ANKRD26: variants seen among roughly 807,000 people sequenced by gnomAD.
ANKRD26 encodes ankyrin repeat domain-containing protein 26.
Under a neutral mutation model 208.7 loss-of-function variants are expected in ANKRD26, and 141 were observed. The observed-to-expected ratio is 0.68, with a 90% confidence interval of 0.59 to 0.78. The LOEUF (loss-of-function observed/expected upper bound fraction) is 0.78. Ranked by LOEUF, ANKRD26 falls within the 30% of genes least tolerant of loss-of-function variation. The pLI is 0.00. For synonymous variants in ANKRD26, 636 were observed against 660.4 expected, an observed-to-expected ratio of 0.96 and a Z score of 0.57; for missense variants, 1,889 against 1,938.7, an observed-to-expected ratio of 0.97 and a Z score of 0.48.
At chr10:27,032,680 T>C (rs2053911168) in intron 25 of ANKRD26, among the ~76,000 whole-genome samples, 1 of 150,204 alleles carries the variant, frequency 6.7e-6, no homozygotes, top group Admixed American at 6.6e-5. Context: ...CTGGGCATGC[T>C]GGCACACACC....
At chr10:27,054,377 G>A (rs2054770135) in intron 15 of ANKRD26, among the ~76,000 whole-genome samples, 1 of 152,090 alleles carries the variant, frequency 6.6e-6, no homozygotes, top group South Asian at 2.1e-4. Context: ...TTGAGGCCAG[G>A]AGTTCCAGAC....
intron 9 of ANKRD26, 84 bp downstream of exon 9, chr10:27,077,254 G>T: frequency 8.4e-7 from 1 of 1,185,498 alleles, no homozygotes; most frequent in Non-Finnish European, 1.3e-6. Context: ...AAAACTGTAT[G>T]ATCATCTCAA....
chr10:26,996,867 T>A (rs1274212406), intron 4 of ANKRD26, among the ~76,000 whole-genome samples: 1 of 152,186 alleles, frequency 6.6e-6, no homozygotes, highest in African/African-American at 2.4e-5. Flanking sequence ...TTTATTTCAC[T>A]TTTCTCTCTT....
chr10:27,007,005 A>C, intron 32 of ANKRD26, 43 bp from the exon 33 acceptor site: 1 of 1,421,286 alleles, frequency 7.0e-7, no homozygotes, highest in East Asian at 2.3e-5. Flanking sequence ...AAGTTAGACA[A>C]GAGACATTAA....
downstream of ANKRD26, among the ~76,000 whole-genome samples, chr10:26,989,470 A>C (rs571394162): frequency 3.2e-4 from 48 of 152,324 alleles, no homozygotes; most frequent in African/African-American, 1.1e-3. Context: ...GATGTTGAGA[A>C]GATTGCAGCC....
chr10:27,059,494 C>T (rs11015492), intron 15 of ANKRD26, among the ~76,000 whole-genome samples: 14,005 of 152,126 alleles, frequency 0.092, 858 homozygotes, highest in African/African-American at 0.17. Context: ...GGAATGGGAA[C>T]GATAGCGAAT....
At chr10:26,967,385 G>A in the ANKRD26 span, among the ~76,000 whole-genome samples, 1 of 152,134 alleles carries the variant, frequency 6.6e-6, no homozygotes, top group Non-Finnish European at 1.5e-5. Context: ...TTCAGATTCA[G>A]CACACTGAAA....
chr10:27,082,966 TC>T, intron 5 of ANKRD26, 133 bp from the exon 6 acceptor site: 1 of 1,265,722 alleles, frequency 7.9e-7, no homozygotes, highest in South Asian at 1.5e-5. Flanking sequence ...AGAATTAATA[TC>T]CTCTATAAAT....
At chr10:26,953,511 C>T in the ANKRD26 span, among the ~76,000 whole-genome samples, 1 of 152,138 alleles carries the variant, frequency 6.6e-6, no homozygotes, top group Non-Finnish European at 1.5e-5. Flanking sequence ...CCTGATGTTA[C>T]TAGATAAATG....
At chr10:26,974,641 A>C (rs1445483114) in exon 6 of ANKRD26, among the ~76,000 whole-genome samples, 3 of 152,032 alleles carry the variant, frequency 2.0e-5, no homozygotes, top group Non-Finnish European at 4.4e-5. Context: ...TGCCCGGCCT[A>C]CCTCTGCATG....
the ANKRD26 span, among the ~76,000 whole-genome samples, chr10:26,965,985 G>T: frequency 2.6e-5 from 4 of 152,130 alleles, no homozygotes; most frequent in Non-Finnish European, 4.4e-5. Context: ...GGAAACAATA[G>T]ATGCTGGTGA....
chr10:27,089,968 C>T (rs570392943), intron 4 of ANKRD26, among the ~76,000 whole-genome samples: 1 of 152,256 alleles, frequency 6.6e-6, no homozygotes, highest in South Asian at 2.1e-4. Flanking sequence ...TATTTTAAAC[C>T]TCTATTTAGT....
chr10:27,095,802 G>C (rs376295906), intron 1 of ANKRD26, among the ~76,000 whole-genome samples: 12 of 152,302 alleles, frequency 7.9e-5, no homozygotes, highest in East Asian at 7.7e-4. Context: ...GAAAGGTCCT[G>C]AGAGATAGTA....
At chr10:26,963,980 C>T in the ANKRD26 span, among the ~76,000 whole-genome samples, 6 of 124,832 alleles carry the variant, frequency 4.8e-5, no homozygotes, top group Non-Finnish European at 7.8e-5. Flanking sequence ...GATGCGTTCT[C>T]GGCTTACTGC....
At chr10:27,005,837 T>C in intron 33 of ANKRD26, 114 bp from the exon 34 acceptor site, 2 of 1,303,316 alleles carry the variant, frequency 1.5e-6, no homozygotes. Context: ...AAGAAAAATA[T>C]GTATGCACAA....
chr10:26,985,534 C>T (rs548563910), intron 3 of ANKRD26, among the ~76,000 whole-genome samples: 1 of 152,246 alleles, frequency 6.6e-6, no homozygotes, highest in South Asian at 2.1e-4. Flanking sequence ...GGTTTTATGA[C>T]CATTCCCCAG....
chr10:27,013,216 C>A, intron 31 of ANKRD26, 106 bp from the exon 32 acceptor site: 1 of 942,826 alleles, frequency 1.1e-6, no homozygotes, highest in Non-Finnish European at 1.7e-6. Flanking sequence ...AATGAAATTT[C>A]CCATTAACCA....
intron 28 of ANKRD26, among the ~76,000 whole-genome samples, chr10:27,023,003 T>A (rs1397495791): frequency 6.6e-6 from 1 of 152,156 alleles, no homozygotes; most frequent in Non-Finnish European, 1.5e-5. Flanking sequence ...ATATTAGCTA[T>A]AAACCAGAGA....
In ANKRD26 at chr10:27,083,287, T is replaced by C. The variant is rs1268730437; in HGVS notation, c.710-454A>G. 2.0e-5 allele frequency among the ~76,000 whole-genome samples: 3 copies of C among 152,098 alleles called. No individual in the cohort carries two copies. In the East Asian group the frequency reaches 5.8e-4, roughly 29 times the overall value. On this transcript the variant is annotated intron_variant, in intron 5 of 33. Coordinates refer to ENST00000376087, the MANE Select transcript of ANKRD26 (RefSeq NM_014915.3). ...ATTTACTTAATATGTTTATATTTCCTAGTTAAACATGCACTCTTAACTGAT... is the reference window on the plus strand; with the variant it reads ...ATTTACTTAATATGTTTATATTTCCCAGTTAAACATGCACTCTTAACTGAT...
Sources: gnomAD v4.1 joint callset for allele counts (sites outside exome capture counted in the v4.1 genomes callset) on GRCh38, gnomAD v4.1.1 for gene constraint, MANE v1.5 for transcripts, NCBI Gene and HGNC (gene_info 2026-07-23, HGNC 2026-07-21) for gene names.